LARP1B: variants seen among roughly 807,000 people sequenced by gnomAD.
The protein encoded by LARP1B is La ribonucleoprotein 1B.
LARP1B carries 76 observed loss-of-function variants against 114.2 expected under a neutral mutation model. The observed-to-expected ratio is 0.67, with a 90% CI of 0.55 to 0.81. The LOEUF (loss-of-function observed/expected upper bound fraction) is 0.81. LARP1B is among the 30% of genes least tolerant of loss of function. The pLI is 0.00. For missense variants in LARP1B, 1,014 were observed against 1,075.8 expected, an observed-to-expected ratio of 0.94 and a Z score of 0.80; for synonymous variants, 345 against 348.0, an observed-to-expected ratio of 0.99 and a Z score of 0.10.
chr4:128,177,121 G>A (rs975386318), intron 13 of LARP1B, among the ~76,000 whole-genome samples: 1 of 152,164 alleles, frequency 6.6e-6, no homozygotes, highest in African/African-American at 2.4e-5. Context: ...TCATATGCCA[G>A]GGTAAAGAGC....
chr4:128,201,468 A>C (rs78480252), intron 17 of LARP1B, among the ~76,000 whole-genome samples: 1,986 of 152,318 alleles, frequency 0.013, 39 homozygotes, highest in African/African-American at 0.044. Context: ...AAGAAAAAGC[A>C]AGGCCTCTCA....
chr4:128,094,063 T>A (rs1487324377), intron 7 of LARP1B, among the ~76,000 whole-genome samples: 1 of 151,772 alleles, frequency 6.6e-6, no homozygotes, highest in Non-Finnish European at 1.5e-5. Context: ...TACTTTTTTT[T>A]AACTTTTTAA....
At chr4:128,097,812 T>C (rs1315337961) in intron 7 of LARP1B, among the ~76,000 whole-genome samples, 1 of 152,170 alleles carries the variant, frequency 6.6e-6, no homozygotes, top group African/African-American at 2.4e-5. Flanking sequence ...AGCTTTGTTA[T>C]CTAATGCTTA....
At chr4:128,074,912 A>T in intron 2 of LARP1B, 22 bp from the exon 3 acceptor site, 1 of 1,537,956 alleles carries the variant, frequency 6.5e-7, no homozygotes, top group South Asian at 1.2e-5. Flanking sequence ...TTCAGACCTA[A>T]CACTTATTTG....
intron 12 of LARP1B, among the ~76,000 whole-genome samples, chr4:128,176,170 TTATA>T (rs1006538538): frequency 2.0e-5 from 2 of 99,466 alleles, no homozygotes; most frequent in Admixed American, 2.4e-4. Context: ...AATATATATA[TTATA>T]TATAAATATA....
At chr4:128,108,234 T>C in intron 9 of LARP1B, 1 of 1,135,602 alleles carries the variant, frequency 8.8e-7, no homozygotes. Flanking sequence ...CGCAAGATTA[T>C]GTTTTCTGTT....
chr4:128,214,106 A>G, downstream of LARP1B, among the ~76,000 whole-genome samples: 1 of 141,478 alleles, frequency 7.1e-6, no homozygotes, highest in Non-Finnish European at 1.6e-5. Context: ...GGCTTAAAAA[A>G]CGGCGCACCA....
Position 128,162,176 on chromosome 4 carries a change from T to A in LARP1B, c.1525-18T>A, listed in dbSNP as rs1175361105. ...CTGTTAGCCAGTTTAGTAATTAGAT[T>A]CCTCCATTCTACTTCAGCAAGAAGT... On this transcript the variant is annotated intron_variant, in intron 11 of 19. Coordinates refer to ENST00000326639, the MANE Select transcript of LARP1B (RefSeq NM_018078.4). 1.2e-6 allele frequency: 2 copies of A among 1,609,538 alleles called. No individual in the cohort carries two copies. The highest frequency in any genetic ancestry group is 3.4e-5 in the Admixed American group (2 of 59,336).
chr4:128,182,751 A>T (rs912156202), intron 15 of LARP1B, among the ~76,000 whole-genome samples: 14 of 152,218 alleles, frequency 9.2e-5, no homozygotes, highest in African/African-American at 3.4e-4. Context: ...TGAAAACTAG[A>T]TCTCTTGTGT....
intron 17 of LARP1B, among the ~76,000 whole-genome samples, chr4:128,205,026 A>G (rs1482599693): frequency 6.6e-6 from 1 of 152,212 alleles, no homozygotes; most frequent in Non-Finnish European, 1.5e-5. Context: ...TGTCATTCTG[A>G]ACTGTGGTTC....
chr4:128,120,452 CTT>C (rs34303419), intron 10 of LARP1B, among the ~76,000 whole-genome samples: 10 of 143,776 alleles, frequency 7.0e-5, no homozygotes, highest in Admixed American at 7.0e-5. Context: ...GTTTTAAGTT[CTT>C]TTTTTTTTTT....
In LARP1B at chr4:128,084,635, GGGGAGAGGGAGA is replaced by G. The variant is rs753902483; in HGVS notation, c.358+2344_358+2355del. ...CCGAGAGGGAGAGGGGAGAGGGGAG[GGGGAGAGGGAGA>G]GGGAGAGGGAGAGCGGAATTTATTC... On this transcript the variant is annotated intron_variant, in intron 5 of 19. Coordinates refer to ENST00000326639, the MANE Select transcript of LARP1B (RefSeq NM_018078.4). Among the ~76,000 whole-genome samples, 4 of 151,890 alleles carry G rather than the reference GGGGAGAGGGAGA, an allele frequency of 2.6e-5. No homozygotes were observed. In the East Asian group the frequency reaches 7.8e-4, roughly 30 times the overall value.
chr4:128,123,757 T>C, intron 11 of LARP1B: 1 of 959,562 alleles, frequency 1.0e-6, no homozygotes, highest in Non-Finnish European at 1.2e-6. Flanking sequence ...TGGGAAATGT[T>C]TTCAGTCTGC....
At chr4:128,072,384 A>G (rs1231378358) in intron 1 of LARP1B, among the ~76,000 whole-genome samples, 2 of 152,180 alleles carry the variant, frequency 1.3e-5, no homozygotes, top group Admixed American at 6.6e-5. Context: ...ATGATGTTTG[A>G]AAAATGGAGA....
chr4:128,199,719 GTTTTAC>G (rs1755331137), intron 16 of LARP1B, 120 bp downstream of exon 16: 1 of 438,506 alleles, frequency 2.3e-6, no homozygotes, highest in Admixed American at 4.5e-5. Flanking sequence ...ACTATACATA[GTTTTAC>G]TTTAAACATG....
intron 15 of LARP1B, among the ~76,000 whole-genome samples, chr4:128,185,206 C>G (rs1278461510): frequency 2.0e-5 from 3 of 152,130 alleles, no homozygotes; most frequent in African/African-American, 4.8e-5. Context: ...AGGGAGATTT[C>G]TGGATCATAT....
rs1472211332 is a variant in LARP1B, at chr4:128,093,990, C to T, written c.668+2478C>T. ...CTTCCCAGAGTGCTGGGATTACAGG[C>T]GTGAACCACCGTGCCTGACCTTTTT... On this transcript the variant is annotated intron_variant, in intron 7 of 19. Coordinates refer to ENST00000326639, the MANE Select transcript of LARP1B (RefSeq NM_018078.4). 7.2e-5 allele frequency among the ~76,000 whole-genome samples: 11 copies of T among 151,754 alleles called. No homozygotes were observed. The East Asian group carries it at 1.5e-3, about 21-fold the overall frequency.
intron 6 of LARP1B, among the ~76,000 whole-genome samples, chr4:128,219,916 G>A (rs1199057231): frequency 6.6e-5 from 10 of 151,922 alleles, no homozygotes; most frequent in South Asian, 2.1e-4. Flanking sequence ...ACAGAGTTTC[G>A]CTCTTGTTGC....
rs1302042994 is a variant in LARP1B at position 128,178,526 on chromosome 4, C to T, written c.1780C>T (p.Pro594Ser). 1.2e-6 allele frequency: 2 copies of T among 1,613,894 alleles called. No individual in the cohort carries two copies. The highest frequency in any genetic ancestry group is 1.7e-6 in the Non-Finnish European group (2 of 1,179,950). ...HSLPTAVPES[P>S]RIHPTRTPKT... ...GTTGCCTACAGCAGTTCCAGAATCT[C>T]CTAGAATTCATCCTACAAGAACACC... Residue 594 changes from proline (P) to serine (S), a missense_variant, in exon 14 of 20, where the codon CCT (proline) becomes TCT (serine). Coordinates refer to ENST00000326639, the MANE Select transcript of LARP1B (RefSeq NM_018078.4).
Sources: gnomAD v4.1 joint callset for allele counts (sites outside exome capture counted in the v4.1 genomes callset) on GRCh38, gnomAD v4.1.1 for gene constraint, MANE v1.5 for transcripts, NCBI Gene and HGNC (gene_info 2026-07-23, HGNC 2026-07-21) for gene names.